The following MIA3 variants were observed in gnomAD, a reference collection of about 807,000 sequenced individuals.
MIA3 encodes the protein transport and Golgi organization protein 1 homolog.
In MIA3, 90 loss-of-function variants were observed where a neutral mutation model predicts 192.4. That is an observed-to-expected ratio of 0.47 (90% CI 0.39 to 0.56). MIA3 has a LOEUF of 0.56. MIA3 is among the 20% of genes least tolerant of loss of function. MIA3 has a pLI of 0.00. For synonymous variants in MIA3, 740 were observed against 792.8 expected (o/e 0.93, Z 1.12); for missense variants, 2,123 against 2,269.4 (o/e 0.94, Z 1.31).
intron 7 of MIA3, chr1:222,648,035 A>G (rs762726155): frequency 1.2e-5 from 3 of 241,992 alleles, no homozygotes; most frequent in Non-Finnish European, 2.7e-5. Flanking sequence ...TGAAAGGGAA[A>G]ATATGTTCTG....
At chr1:222,645,848 T>G (rs1024932350) in intron 7 of MIA3, 163 bp downstream of exon 7, 1 of 612,884 alleles carries the variant, frequency 1.6e-6, no homozygotes, top group Non-Finnish European at 2.6e-6. Flanking sequence ...TGGTAAATTC[T>G]TAAGTGAATA....
In MIA3 at chr1:222,621,351, T is replaced by C. The variant is rs1661848423; in HGVS notation, c.267+59T>C. 3.4e-6 allele frequency: 5 copies of C among 1,485,678 alleles called. No individual in the cohort carries two copies. In the South Asian group the frequency reaches 6.4e-5, roughly 19 times the overall value. 92.0% of individuals were successfully genotyped at this position (1,485,678 alleles called of 1,614,324 possible). On this transcript the variant is annotated intron_variant, in intron 2 of 27. Transcript: ENST00000344922. ...ATTTTTATTGGCTTCTTTAGCACTGTAGAGTTAAATGACTGCATTTTCTTG... is the reference window on the plus strand; with the variant it reads ...ATTTTTATTGGCTTCTTTAGCACTGCAGAGTTAAATGACTGCATTTTCTTG...
intron 1 of MIA3, among the ~76,000 whole-genome samples, chr1:222,619,318 C>T (rs1034514214): frequency 6.6e-6 from 1 of 152,154 alleles, no homozygotes; most frequent in African/African-American, 2.4e-5. Context: ...ACTGCAGAAA[C>T]GGTTTTTCAT....
At chr1:222,630,435 G>C (rs1450060417) in intron 4 of MIA3, 46 bp downstream of exon 4, 1 of 1,532,418 alleles carries the variant, frequency 6.5e-7, no homozygotes, top group Non-Finnish European at 8.7e-7. Context: ...GAAGCAGGTG[G>C]GTGGGTCGCT....
At chr1:222,650,254 G>A (rs1188874466) in intron 8 of MIA3, 38 bp from the exon 9 acceptor site, 1 of 1,160,086 alleles carries the variant, frequency 8.6e-7, no homozygotes, top group Non-Finnish European at 1.3e-6. Context: ...ATTTCATTTA[G>A]TGATCATAAT....
chr1:222,653,367 C>T (rs535615330), intron 15 of MIA3, 28 bp downstream of exon 15: 3 of 1,492,110 alleles, frequency 2.0e-6, no homozygotes, highest in African/African-American at 2.8e-5. Flanking sequence ...GAGGATGGAC[C>T]CCTTTTGCCT....
In MIA3 at chr1:222,650,352, T is replaced by C; in HGVS notation, c.3692T>C (p.Val1231Ala). ...ATCATGAAAGAAAATACAGAACTTGTACAAAAATTGTCAAATTATGAACAG... is the reference window on the plus strand; with the variant it reads ...ATCATGAAAGAAAATACAGAACTTGCACAAAAATTGTCAAATTATGAACAG... ...KTIMKENTEL[V>A]QKLSNYEQKI... The change falls in exon 9 of 28, where the codon GTA becomes GCA. Residue 1231 changes from valine to alanine, a missense_variant. Val to Ala is a moderately conservative substitution (Grantham distance 64, BLOSUM62 0). Around this residue, in one of 3 missense-constraint regions of MIA3, gnomAD observed 762 missense variants for 856.4 expected, o/e 0.89. Transcript: ENST00000344922. The C allele has an allele frequency of 6.2e-7, 1 of 1,600,844 alleles. No homozygotes were observed. Among genetic ancestry groups the C allele is most frequent in the Middle Eastern group, 1.7e-4 (1 of 6,032 alleles).
At chr1:222,636,952 G>A (rs745336764) in intron 6 of MIA3, among the ~76,000 whole-genome samples, 8 of 152,164 alleles carry the variant, frequency 5.3e-5, no homozygotes, top group Admixed American at 1.3e-4. Flanking sequence ...AGAAAGTACC[G>A]CCAGGTAGAA....
At position 222,630,278 on chromosome 1, in the gene MIA3, G is replaced by A. The variant is rs770397176; in HGVS notation, c.3058G>A (p.Asp1020Asn). ...NIFEEAAVLD[D>N]IQDLIYFVRY... is the part of the protein sequence containing the mutation. Reference sequence around the variant, plus strand: ...ATTTGAAGAGGCTGCAGTGCTTGATGACATTCAAGACCTCATCTATTTTGT... The same window carrying A: ...ATTTGAAGAGGCTGCAGTGCTTGATAACATTCAAGACCTCATCTATTTTGT... The change falls in exon 4 of 28, where the codon GAC becomes AAC. Residue 1020 changes from aspartate (D) to asparagine (N), a missense_variant. Transcript: ENST00000344922. 5.0e-6 allele frequency: 8 copies of A among 1,614,058 alleles called. No homozygotes were observed. In the South Asian group the frequency reaches 5.5e-5, roughly 11 times the overall value.
At position 222,653,264 on chromosome 1, in the gene MIA3, G is replaced by T. The variant is rs192117875; in HGVS notation, c.4246G>T (p.Glu1416Ter). Residue 1416 changes from glutamate (E) to a stop codon, truncating the protein, a stop_gained, in exon 15 of 28, where the codon GAG becomes TAG. Transcript: ENST00000344922. LOFTEE classifies it high-confidence loss of function. ...TNCITQLNLLECESESEGQNK... is the reference protein window; with the variant it reads ...TNCITQLNLL ...CTGCATTACACAGTTGAATCTGTTA[G>T]AGTGTGAATCTGAATCTGAGGGTCA... 6.2e-7 allele frequency: 1 copy of T among 1,613,896 alleles called. No homozygotes were observed. The highest frequency in any genetic ancestry group is 1.3e-5 in the African/African-American group (1 of 74,930).
At chr1:222,644,076 ATCC>A (rs983504771) in intron 6 of MIA3, among the ~76,000 whole-genome samples, 17 of 152,124 alleles carry the variant, frequency 1.1e-4, no homozygotes, top group African/African-American at 3.9e-4. Context: ...GCCGCCCACA[ATCC>A]TCCTCCAGGT....
intron 1 of MIA3, among the ~76,000 whole-genome samples, chr1:222,619,942 T>G (rs972840154): frequency 2.6e-5 from 4 of 152,214 alleles, no homozygotes; most frequent in Non-Finnish European, 5.9e-5. Context: ...TCTCAAATAT[T>G]ATTATAAATC....
In MIA3 at chr1:222,666,430, A is replaced by G. The variant is rs1422656466; in HGVS notation, c.*811A>G. 1.3e-5 allele frequency: 2 copies of G among 152,158 alleles called. No individual in the cohort carries two copies. The highest frequency in any genetic ancestry group is 2.4e-5 in the African/African-American group (1 of 41,440). The allele number at this position is 152,158 out of a possible 1,614,324, so 9.4% of individuals were successfully genotyped here. A position where few individuals can be genotyped will look rare whatever the true frequency, so the allele number is the denominator to read the frequency against. ...CAAGAGTTGTTTGACCTGATGTTCC[A>G]TTGTTTTTACCATTCCTGTAGAAAA... On this transcript the variant is annotated 3_prime_UTR_variant, in exon 28 of 28. Coordinates refer to ENST00000344922, the MANE Select transcript of MIA3 (RefSeq NM_198551.4).
In MIA3 at chr1:222,667,253, C is replaced by T. The variant is rs976022318; in HGVS notation, c.*1634C>T. 3 of 152,070 alleles carry T rather than the reference C, an allele frequency of 2.0e-5. No homozygotes were observed. Among genetic ancestry groups the T allele is most frequent in the African/African-American group, 7.2e-5 (3 of 41,406 alleles). 9.4% of individuals were successfully genotyped at this position (152,070 alleles called of 1,614,324 possible). On this transcript the variant is annotated 3_prime_UTR_variant, in exon 28 of 28. Coordinates refer to ENST00000344922, the MANE Select transcript of MIA3 (RefSeq NM_198551.4). ...AGAGAATTCAATCTATATGTCCTCC[C>T]GTTTAATATCAAGAATAGAAGAAAT... is the stretch of plus-strand genomic sequence containing the variant.
In MIA3 at chr1:222,624,702, T is replaced by C. The variant is rs1571860728; in HGVS notation, c.268-66T>C. The C allele has an allele frequency of 3.8e-6, 3 of 779,896 alleles. No individual in the cohort carries two copies. The Admixed American group carries it at 5.8e-5, about 15-fold the overall frequency. 48.3% of individuals were successfully genotyped at this position (779,896 alleles called of 1,614,324 possible). ...TGCTGTAGATTGAGGTTTGCAGCTC[T>C]ATCGTTCATATTTCTCATACAGAAT... On this transcript the variant is annotated intron_variant, in intron 2 of 27. Transcript: ENST00000344922.
At chr1:222,641,354 C>T (rs777209595) in intron 6 of MIA3, 3 of 325,792 alleles carry the variant, frequency 9.2e-6, no homozygotes, top group Non-Finnish European at 1.8e-5. Context: ...CTTCCCTTCC[C>T]TGGCACCAGG....
chr1:222,655,889 C>T (rs993513816), intron 18 of MIA3, among the ~76,000 whole-genome samples: 1 of 150,908 alleles, frequency 6.6e-6, no homozygotes, highest in Non-Finnish European at 1.5e-5. Flanking sequence ...CCTAAAGTCA[C>T]TGTGTTAATT....
At chr1:222,664,846 T>G in intron 27 of MIA3, 1 of 441,284 alleles carries the variant, frequency 2.3e-6, no homozygotes, top group Non-Finnish European at 4.7e-6. Flanking sequence ...GTATGGTATA[T>G]AGTACTTCCA....
Position 222,628,011 on chromosome 1 carries a change from A to G in MIA3, c.791A>G (p.Tyr264Cys). ...AATGAACAGGATAAGATTGATGCCTATAAACTTTTGAAAAAAGAAATGACT... is the reference window on the plus strand; with the variant it reads ...AATGAACAGGATAAGATTGATGCCTGTAAACTTTTGAAAAAAGAAATGACT... The part of the protein sequence containing the change: ...VSNEQDKIDA[Y>C]KLLKKEMTLD... Residue 264 changes from tyrosine (Y) to cysteine (C), a missense_variant, in exon 4 of 28, where the codon TAT becomes TGT. Tyr to Cys is a radical substitution (Grantham distance 194). Around this residue, in one of 3 missense-constraint regions of MIA3, gnomAD observed 1,357 missense variants for 1,396.1 expected, o/e 0.97. Transcript: ENST00000344922. 2.5e-6 allele frequency: 4 copies of G among 1,614,186 alleles called. No homozygotes were observed. Among genetic ancestry groups the G allele is most frequent in the Non-Finnish European group, 3.4e-6 (4 of 1,180,024 alleles).
Sources: gnomAD v4.1 joint callset for allele counts (sites outside exome capture counted in the v4.1 genomes callset) on GRCh38, gnomAD v4.1.1 for gene constraint, gnomAD v4.1.1 regional missense constraint, MANE v1.5 for transcripts, NCBI Gene and HGNC (gene_info 2026-07-23, HGNC 2026-07-21) for gene names.